Variants in LHFPL3 observed in about 807,000 individuals in gnomAD.
The protein encoded by LHFPL3 is LHFPL tetraspan subfamily member 3, also known as LHFPL tetraspan subfamily member 3 protein.
A neutral mutation model predicts 19.3 loss-of-function variants in LHFPL3; 5 were observed. The observed-to-expected ratio is 0.26, with a 90% confidence interval of 0.14 to 0.54. LHFPL3 has a LOEUF of 0.54. LHFPL3 is among the 20% of genes least tolerant of loss of function. The probability of loss-of-function intolerance (pLI) is 0.94; values close to 1 mark genes in which losing one functional copy is unlikely to be tolerated. For synonymous variants in LHFPL3, 133 were observed against 126.2 expected (o/e 1.05, Z -0.36); for missense variants, 249 against 307.4 (o/e 0.81, Z 1.42).
Position 104,750,565 on chromosome 7 carries a change from C to A in LHFPL3, c.682+13654C>A, listed in dbSNP as rs1034139731. Among the ~76,000 whole-genome samples, 7 of 152,378 alleles carry A rather than the reference C, an allele frequency of 4.6e-5. No individual in the cohort carries two copies. The East Asian group carries it at 7.7e-4, about 17-fold the overall frequency. On this transcript the variant is annotated intron_variant, in intron 2 of 2. Transcript: ENST00000424859. ...AACTCCTTTTAGATTTAGACTTGAT[C>A]TTCCCAAGATTAGTCCTACAGTCCC... is the stretch of plus-strand genomic sequence containing the variant.
chr7:104,724,959 T>C lies in LHFPL3; in HGVS notation c.446-11716T>C, dbSNP rs1258279505. ...TTTAAGCATTCTCCAACCAGTCAAC[T>C]CTCTTGCATTATTGAAAATAAGAAT... is the stretch of plus-strand genomic sequence containing the variant. On this transcript the variant is annotated intron_variant, in intron 1 of 2. Coordinates refer to ENST00000424859, the MANE Select transcript of LHFPL3 (RefSeq NM_199000.3). Among the ~76,000 whole-genome samples the C allele has an allele frequency of 2.0e-5, 3 of 152,126 alleles. No homozygotes were observed. In the East Asian group the frequency reaches 5.8e-4, roughly 29 times the overall value.
chr7:104,903,560 G>A (rs796813125), intron 2 of LHFPL3, among the ~76,000 whole-genome samples: 8 of 151,464 alleles, frequency 5.3e-5, no homozygotes, highest in African/African-American at 1.9e-4. Context: ...TGCCTCCCGG[G>A]TTCAAGTGGT....
At chr7:104,548,638 C>T (rs1057333983) in intron 1 of LHFPL3, among the ~76,000 whole-genome samples, 1 of 152,088 alleles carries the variant, frequency 6.6e-6, no homozygotes, top group East Asian at 1.9e-4. Flanking sequence ...CTAAATACAC[C>T]ACTAAGAATC....
chr7:104,879,176 G>A (rs542418254), intron 2 of LHFPL3, among the ~76,000 whole-genome samples: 2 of 152,274 alleles, frequency 1.3e-5, no homozygotes, highest in East Asian at 3.9e-4. Flanking sequence ...CAGCATTTTG[G>A]GAGGCCAAGG....
intron 1 of LHFPL3, among the ~76,000 whole-genome samples, chr7:104,524,943 A>G (rs1270167253): frequency 1.3e-5 from 2 of 152,160 alleles, no homozygotes; most frequent in African/African-American, 4.8e-5. Flanking sequence ...CAAATTATAT[A>G]CACCTAGTAT....
intron 2 of LHFPL3, among the ~76,000 whole-genome samples, chr7:104,828,735 A>G (rs1032917190): frequency 1.5e-4 from 23 of 151,938 alleles, no homozygotes; most frequent in African/African-American, 5.3e-4. Flanking sequence ...GAGGGAAATA[A>G]AGAGTCCCCA....
intron 1 of LHFPL3, among the ~76,000 whole-genome samples, chr7:104,532,272 A>G (rs1214403918): frequency 7.2e-6 from 1 of 138,984 alleles, no homozygotes; most frequent in African/African-American, 2.7e-5. Context: ...ATGTGCCACC[A>G]TGCTTGGCTA....
intron 2 of LHFPL3, among the ~76,000 whole-genome samples, chr7:104,770,202 A>G (rs1418504204): frequency 6.6e-6 from 1 of 152,050 alleles, no homozygotes; most frequent in Non-Finnish European, 1.5e-5. Flanking sequence ...TAAAGGAAAA[A>G]GGTAGATCAC....
At chr7:104,342,326 C>T (rs73713098) in intron 1 of LHFPL3, among the ~76,000 whole-genome samples, 5,979 of 151,790 alleles carry the variant, frequency 0.039, 367 homozygotes, top group African/African-American at 0.14. Flanking sequence ...GGTTGGAAAT[C>T]CCATTTCTTG....
chr7:104,708,029 G>A (rs182296743), intron 1 of LHFPL3, among the ~76,000 whole-genome samples: 284 of 152,352 alleles, frequency 1.9e-3, no homozygotes, highest in Non-Finnish European at 3.4e-3. Flanking sequence ...GGGAGACCAG[G>A]AGGCTGAGTA....
chr7:104,605,875 A>AG (rs1458410469), intron 1 of LHFPL3, among the ~76,000 whole-genome samples: 9 of 151,216 alleles, frequency 6.0e-5, no homozygotes, highest in Non-Finnish European at 1.3e-4. Flanking sequence ...TGGTCTGAAA[A>AG]AAAAAAACAA....
At chr7:104,559,952 C>T (rs1210807826) in intron 1 of LHFPL3, among the ~76,000 whole-genome samples, 4 of 150,270 alleles carry the variant, frequency 2.7e-5, no homozygotes, top group South Asian at 2.1e-4. Flanking sequence ...TGGTTTTTGT[C>T]GTTGGTTCTG....
intron 2 of LHFPL3, among the ~76,000 whole-genome samples, chr7:104,818,547 G>A (rs1790612237): frequency 6.6e-6 from 1 of 152,116 alleles, no homozygotes; most frequent in Non-Finnish European, 1.5e-5. Context: ...TACAGTTTCA[G>A]TTTTATGCTT....
intron 2 of LHFPL3, among the ~76,000 whole-genome samples, chr7:104,794,175 C>T (rs1790074381): frequency 6.6e-6 from 1 of 152,298 alleles, no homozygotes. Flanking sequence ...AACAAATCTG[C>T]TCTAAATAGC....
chr7:104,860,486 T>C (rs1008769173), intron 2 of LHFPL3, among the ~76,000 whole-genome samples: 4 of 152,072 alleles, frequency 2.6e-5, no homozygotes, highest in Non-Finnish European at 5.9e-5. Flanking sequence ...GCTAAAGACC[T>C]CTAGGTTTCC....
chr7:104,839,083 T>C (rs1183629621), intron 2 of LHFPL3, among the ~76,000 whole-genome samples: 1 of 152,210 alleles, frequency 6.6e-6, no homozygotes, highest in Non-Finnish European at 1.5e-5. Context: ...GGGAGCTCCC[T>C]GCAGGTTCCT....
intron 1 of LHFPL3, among the ~76,000 whole-genome samples, chr7:104,384,323 G>T (rs1790891505): frequency 6.6e-6 from 1 of 152,132 alleles, no homozygotes; most frequent in South Asian, 2.1e-4. Flanking sequence ...AGACAGTTTT[G>T]TTGACATGAA....
At chr7:104,899,485 G>A (rs1792440587) in intron 2 of LHFPL3, among the ~76,000 whole-genome samples, 1 of 152,074 alleles carries the variant, frequency 6.6e-6, no homozygotes, top group African/African-American at 2.4e-5. Flanking sequence ...AGTACCTCTG[G>A]CAGGAAGGGA....
intron 1 of LHFPL3, among the ~76,000 whole-genome samples, chr7:104,591,635 G>A (rs1404885207): frequency 6.6e-6 from 1 of 152,126 alleles, no homozygotes; most frequent in African/African-American, 2.4e-5. Context: ...GGCGTTCTCT[G>A]TATTTCCTGA....
Sources: gnomAD v4.1 joint callset for allele counts (sites outside exome capture counted in the v4.1 genomes callset) on GRCh38, gnomAD v4.1.1 for gene constraint, MANE v1.5 for transcripts, NCBI Gene and HGNC (gene_info 2026-07-23, HGNC 2026-07-21) for gene names.